SLC12A7: variants seen among roughly 807,000 people sequenced by gnomAD.
SLC12A7 encodes solute carrier family 12 member 7, also known as K-Cl cotransporter 4.
In SLC12A7, 100 loss-of-function variants were observed where a neutral mutation model predicts 120.6. The observed-to-expected ratio is 0.83, with a 90% confidence interval of 0.71 to 0.98. SLC12A7 has a LOEUF of 0.98. Among genes scored for constraint, SLC12A7 ranks in the 50% least tolerant of loss-of-function variants. The probability of loss-of-function intolerance (pLI) is 0.00; values close to 1 mark genes in which losing one functional copy is unlikely to be tolerated. For synonymous variants in SLC12A7, 760 were observed against 678.0 expected (o/e 1.12, Z -1.88); for missense variants, 1,373 against 1,548.1 (o/e 0.89, Z 1.90).
chr5:1,065,820 G>T (rs1037367510), intron 17 of SLC12A7, among the ~76,000 whole-genome samples: 1 of 151,836 alleles, frequency 6.6e-6, no homozygotes, highest in Non-Finnish European at 1.5e-5. Context: ...TCTGGGCCAG[G>T]TTCATCCACC....
In SLC12A7 at chr5:1,076,235, A is replaced by C; in HGVS notation, c.1750T>G (p.Phe584Val). Residue 584 changes from phenylalanine to valine, a missense_variant and splice_region_variant, in exon 14 of 24, where the codon TTC becomes GTC. Transcript: ENST00000264930. Reference sequence around the variant, plus strand: ...ACGAACAGGTAGCACATGAGGAAGAACCTGCAGGGACGGCCGGCCACTGAT... The same window carrying C: ...ACGAACAGGTAGCACATGAGGAAGACCCTGCAGGGACGGCCGGCCACTGAT... Reference protein sequence around the residue: ...LDSVAPILSMFFLMCYLFVNL... With the variant: ...LDSVAPILSMVFLMCYLFVNL... The C allele has an allele frequency of 6.2e-7, 1 of 1,606,410 alleles. No homozygotes were observed. Among genetic ancestry groups the C allele is most frequent in the Non-Finnish European group, 8.5e-7 (1 of 1,177,198 alleles).
chr5:1,131,792 T>C, the SLC12A7 span, among the ~76,000 whole-genome samples: 2 of 152,216 alleles, frequency 1.3e-5, no homozygotes, highest in African/African-American at 4.8e-5. Flanking sequence ...TGGCCTGTGC[T>C]GTGGAAGGGC....
the SLC12A7 span, among the ~76,000 whole-genome samples, chr5:1,153,206 C>T: frequency 9.6e-4 from 146 of 152,210 alleles, no homozygotes; most frequent in African/African-American, 2.8e-3. Context: ...GGAGGAGGGA[C>T]GGGCTTGCCC....
In SLC12A7 at chr5:1,057,557, G is replaced by A; in HGVS notation, c.2940C>T (p.Thr980=). The A allele has an allele frequency of 6.2e-7, 1 of 1,613,188 alleles. No homozygotes were observed. The highest frequency in any genetic ancestry group is 8.5e-7 in the Non-Finnish European group (1 of 1,179,980). ...CAGCGATCAGCTTCTCCCTGGTCCAGGTCATCTGCACCTTGTCTGGCGTAG... is the reference window on the plus strand; with the variant it reads ...CAGCGATCAGCTTCTCCCTGGTCCAAGTCATCTGCACCTTGTCTGGCGTAG... ...APPTPDKVQM[T]WTREKLIAEK... Residue 980 remains threonine (T), a synonymous_variant, in exon 22 of 24, where the codon ACC becomes ACT. Transcript: ENST00000264930.
At chr5:1,064,307 C>T (rs1736682133) in intron 18 of SLC12A7, 55 bp from the exon 19 acceptor site, 3 of 1,558,006 alleles carry the variant, frequency 1.9e-6, no homozygotes, top group South Asian at 2.4e-5. Context: ...GCGGAAGGGG[C>T]CTCCCCGGGG....
At chr5:1,111,706 G>C (rs1327038590) in intron 1 of SLC12A7, among the ~76,000 whole-genome samples, 162 bp downstream of exon 1, 1 of 152,194 alleles carries the variant, frequency 6.6e-6, no homozygotes, top group African/African-American at 2.4e-5. Context: ...CACTAACGTG[G>C]GGTGGGGGCC....
chr5:1,074,358 C>G (rs759664905), intron 16 of SLC12A7, among the ~76,000 whole-genome samples: 1 of 152,152 alleles, frequency 6.6e-6, no homozygotes, highest in Non-Finnish European at 1.5e-5. Context: ...GCAGAGGGGC[C>G]GGCTCCCCAC....
At chr5:1,112,749 C>A (rs1743137838), upstream of SLC12A7, among the ~76,000 whole-genome samples, 1 of 144,922 alleles carries the variant, frequency 6.9e-6, no homozygotes, top group Non-Finnish European at 1.5e-5. Context: ...TAGCCTGGCT[C>A]CTGGCTAGCC....
intron 17 of SLC12A7, among the ~76,000 whole-genome samples, chr5:1,068,734 G>A (rs1737318138): frequency 6.6e-6 from 1 of 152,286 alleles, no homozygotes; most frequent in Non-Finnish European, 1.5e-5. Flanking sequence ...CTGTCGGACG[G>A]AGAGGATCTG....
intron 1 of SLC12A7, among the ~76,000 whole-genome samples, chr5:1,111,606 C>G (rs1157831159): frequency 6.6e-6 from 1 of 152,212 alleles, no homozygotes; most frequent in Non-Finnish European, 1.5e-5. Context: ...TCCATGGCTA[C>G]CAGCAGCGGC....
the SLC12A7 span, among the ~76,000 whole-genome samples, chr5:1,130,245 C>A: frequency 1.5e-4 from 23 of 152,326 alleles, no homozygotes; most frequent in Admixed American, 7.2e-4. Context: ...CAGTCGTAAC[C>A]TGCAGGACCC....
At chr5:1,092,618 G>A (rs968711840) in intron 3 of SLC12A7, among the ~76,000 whole-genome samples, 10 of 152,184 alleles carry the variant, frequency 6.6e-5, no homozygotes, top group African/African-American at 2.4e-4. Context: ...AAGGAGGGGG[G>A]CACAGGCTCG....
At chr5:1,064,821 A>AACGGCGAGGGG (rs1736780415) in intron 18 of SLC12A7, among the ~76,000 whole-genome samples, 1 of 25,984 alleles carries the variant, frequency 3.8e-5, no homozygotes, top group African/African-American at 1.6e-4. Flanking sequence ...ACAGTGAGGG[A>AACGGCGAGGGG]ACGGCGAGGG....
the SLC12A7 span, among the ~76,000 whole-genome samples, chr5:1,134,947 T>G: frequency 0.096 from 14,533 of 152,038 alleles, 2,316 homozygotes; most frequent in African/African-American, 0.33. Context: ...GCCAACATGG[T>G]GAAACCCCGT....
chr5:1,050,640 C>A lies in SLC12A7; in HGVS notation c.*1720G>T. ...TCCAGCCACCAACCAACGTTCAGAGCCAGCACCATGTGGCCGCTGTGCCTC... is the reference window on the plus strand; with the variant it reads ...TCCAGCCACCAACCAACGTTCAGAGACAGCACCATGTGGCCGCTGTGCCTC... On this transcript the variant is annotated 3_prime_UTR_variant, in exon 24 of 24. Coordinates refer to ENST00000264930, the MANE Select transcript of SLC12A7 (RefSeq NM_006598.3). 2.6e-6 allele frequency: 1 copy of A among 383,918 alleles called. No individual in the cohort carries two copies. The allele number at this position is 383,918 out of a possible 1,614,324, so 23.8% of individuals were successfully genotyped here.
chr5:1,100,314 A>G (rs1741888983), intron 1 of SLC12A7, among the ~76,000 whole-genome samples: 1 of 152,160 alleles, frequency 6.6e-6, no homozygotes, highest in Non-Finnish European at 1.5e-5. Flanking sequence ...AAAAATCCAC[A>G]GGACCCGGCC....
chr5:1,150,325 T>C, the SLC12A7 span, among the ~76,000 whole-genome samples: 1 of 134,008 alleles, frequency 7.5e-6, no homozygotes, highest in Non-Finnish European at 1.6e-5. Flanking sequence ...CCGACATCCA[T>C]GCACACACAC....
chr5:1,111,882 T>A lies in SLC12A7; in HGVS notation c.110A>T (p.Glu37Val). 1 of 1,221,326 alleles carries A rather than the reference T, an allele frequency of 8.2e-7. No homozygotes were observed. The highest frequency in any genetic ancestry group is 1.0e-6 in the Non-Finnish European group (1 of 980,340). The allele number at this position is 1,221,326 out of a possible 1,614,324, so 75.7% of individuals were successfully genotyped here. The change falls in exon 1 of 24, where the codon GAG (glutamate) becomes GTG (valine). Residue 37 changes from glutamate (E) to valine (V), a missense_variant. Coordinates refer to ENST00000264930, the MANE Select transcript of SLC12A7 (RefSeq NM_006598.3). ...GCCGCGCTCACCCGGGCTGGGGCGCTCGGGCTCGGGGCCCTCGGGGGTGCC... is the reference window on the plus strand; with the variant it reads ...GCCGCGCTCACCCGGGCTGGGGCGCACGGGCTCGGGGCCCTCGGGGGTGCC... ...APGTPEGPEP[E>V]RPSPGDGNPR...
intron 1 of SLC12A7, among the ~76,000 whole-genome samples, chr5:1,105,067 G>C (rs1454871965): frequency 1.9e-4 from 23 of 119,458 alleles, no homozygotes; most frequent in African/African-American, 3.6e-4. Context: ...CCAAAGAGGA[G>C]CCTCCCCGCA....
Sources: gnomAD v4.1 joint callset for allele counts (sites outside exome capture counted in the v4.1 genomes callset) on GRCh38, gnomAD v4.1.1 for gene constraint, MANE v1.5 for transcripts, NCBI Gene and HGNC (gene_info 2026-07-23, HGNC 2026-07-21) for gene names.